Variants in P2RX6 observed in about 807,000 individuals in gnomAD.
P2RX6 encodes P2X purinoceptor 6.
In P2RX6, 62 loss-of-function variants were observed where a neutral mutation model predicts 54.2. The ratio of observed to expected loss-of-function variants is 1.14; its 90% CI spans 0.93 to 1.41. P2RX6 has a LOEUF of 1.41. Among genes scored for constraint, P2RX6 ranks in the 40% most tolerant of loss-of-function variants. The probability of loss-of-function intolerance (pLI) is 0.00; values close to 1 mark genes in which losing one functional copy is unlikely to be tolerated. For missense variants in P2RX6, 541 were observed against 566.3 expected (o/e 0.96, Z 0.45); for synonymous variants, 211 against 231.9 (o/e 0.91, Z 0.82).
chr22:21,024,280 CTTT>C (rs35973141), intron 8 of P2RX6, among the ~76,000 whole-genome samples: 1 of 133,892 alleles, frequency 7.5e-6, no homozygotes, highest in Non-Finnish European at 1.6e-5. Context: ...TTTACCTAAA[CTTT>C]TTTTTTTTTT....
At chr22:21,014,514 A>C (rs1188155913), upstream of P2RX6, among the ~76,000 whole-genome samples, 1 of 152,164 alleles carries the variant, frequency 6.6e-6, no homozygotes, top group Non-Finnish European at 1.5e-5. Flanking sequence ...CCTTGTGGGC[A>C]TCCTCCCTGC....
chr22:21,018,926 T>G (rs988271214), intron 3 of P2RX6: 3 of 152,054 alleles, frequency 2.0e-5, no homozygotes, highest in African/African-American at 7.3e-5. Flanking sequence ...CGGCCTGATT[T>G]CTGGATAGTT....
At chr22:21,025,546 C>T (rs910053446) in intron 8 of P2RX6, among the ~76,000 whole-genome samples, 1 of 152,238 alleles carries the variant, frequency 6.6e-6, no homozygotes, top group African/African-American at 2.4e-5. Flanking sequence ...CTGAGCCTGC[C>T]CCTTCACATC....
At chr22:21,010,640 C>G (rs748708988), upstream of P2RX6, among the ~76,000 whole-genome samples, 12 of 152,142 alleles carry the variant, frequency 7.9e-5, no homozygotes, top group Non-Finnish European at 8.8e-5. Context: ...GTGATTGTTA[C>G]TATTATTGGA....
chr22:21,024,301 G>A (rs1239314474), intron 8 of P2RX6, among the ~76,000 whole-genome samples: 1 of 135,304 alleles, frequency 7.4e-6, no homozygotes, highest in Non-Finnish European at 1.6e-5. Flanking sequence ...TTTTTGAGAT[G>A]GAGTCTCACT....
chr22:21,022,636 T>A, intron 3 of P2RX6, 40 bp from the exon 4 acceptor site: 1 of 1,426,750 alleles, frequency 7.0e-7, no homozygotes, highest in Non-Finnish European at 9.3e-7. Flanking sequence ...AGGGGAGACA[T>A]CCCCTGTGCC....
rs1428608852 is a variant in P2RX6 at position 21,022,750 on chromosome 22, C to T, written c.462C>T (p.His154=). The T allele has an allele frequency of 5.1e-6, 8 of 1,566,030 alleles. No homozygotes were observed. The highest frequency in any genetic ancestry group is 2.2e-5 in the East Asian group (1 of 44,562). ...CPEGEGGTHS[H]GVKTGQCVVF... is the part of the protein sequence containing the mutation. ...AAGGGGAGGGAGGCACACACAGCCA[C>T]GGTAACTGTGGGCTCTGTCTTCCAG... is the stretch of plus-strand genomic sequence containing the variant. Residue 154 remains histidine (H), a splice_region_variant and synonymous_variant, in exon 4 of 12, where the codon CAC becomes CAT. Transcript: ENST00000413302.
In P2RX6 at chr22:21,016,084, C is replaced by G. The variant is rs1926334084; in HGVS notation, c.307C>G (p.Pro103Ala). 6.4e-6 allele frequency: 10 copies of G among 1,562,770 alleles called. No homozygotes were observed. Among genetic ancestry groups the G allele is most frequent in the Non-Finnish European group, 8.7e-6 (10 of 1,154,384 alleles). The change falls in exon 2 of 12, where the codon CCA becomes GCA. Residue 103 changes from proline (P) to alanine (A), a missense_variant. Pro to Ala is a conservative substitution (Grantham distance 27). Around this residue, in one of 2 missense-constraint regions of P2RX6, gnomAD observed 526 missense variants for 531.5 expected, o/e 0.99. Transcript: ENST00000413302. Reference sequence around the variant, plus strand: ...GTGGGATGTGGCCGACTTCGTGAAGCCACCTCAGGTGGGGGCCCTGATGTT... The same window carrying G: ...GTGGGATGTGGCCGACTTCGTGAAGGCACCTCAGGTGGGGGCCCTGATGTT... ...RLWDVADFVKPPQGENVFFLV... is the reference protein window; with the variant it reads ...RLWDVADFVKAPQGENVFFLV...
At chr22:21,018,368 A>T (rs537172209) in intron 3 of P2RX6, 4 of 396,492 alleles carry the variant, frequency 1.0e-5, no homozygotes, top group East Asian at 5.9e-5. Flanking sequence ...AGCAGTTCCC[A>T]TGAGGTGTCC....
At chr22:21,022,626 A>C in intron 3 of P2RX6, 50 bp from the exon 4 acceptor site, 3 of 1,370,836 alleles carry the variant, frequency 2.2e-6, no homozygotes, top group South Asian at 1.5e-5. Flanking sequence ...TGGGCTGTGG[A>C]GGGGAGACAT....
chr22:21,015,940 A>G lies in P2RX6; in HGVS notation c.165-2A>G, dbSNP rs752230890. Reference sequence around the variant, plus strand: ...CCACACTGCCCGACTTCTCCTCCCCAGGTGGGCTCTCCTCGCCAAAAAAGG... The same window carrying G: ...CCACACTGCCCGACTTCTCCTCCCCGGGTGGGCTCTCCTCGCCAAAAAAGG... On this transcript the variant is annotated splice_acceptor_variant, in intron 1 of 11. Transcript: ENST00000413302. LOFTEE classifies it high-confidence loss of function. 6.5e-7 allele frequency: 1 copy of G among 1,549,572 alleles called. No individual in the cohort carries two copies. The highest frequency in any genetic ancestry group is 8.7e-7 in the Non-Finnish European group (1 of 1,146,850).
chr22:21,012,486 AG>A, upstream of P2RX6: 1 of 515,942 alleles, frequency 1.9e-6, no homozygotes, highest in Non-Finnish European at 3.7e-6. Flanking sequence ...GAGGAAAGGG[AG>A]GACTCACGCC....
upstream of P2RX6, chr22:21,012,554 C>T: frequency 1.6e-6 from 1 of 621,460 alleles, no homozygotes; most frequent in Non-Finnish European, 3.0e-6. Flanking sequence ...TTGCTCAGGG[C>T]ACCTGCCAGG....
In P2RX6 at chr22:21,023,526, C is replaced by T; in HGVS notation, c.798C>T (p.Ile266=). The change falls in exon 8 of 12, where the codon ATC becomes ATT. Residue 266 remains isoleucine (I), a synonymous_variant. Transcript: ENST00000413302. ...ATGTGCAGGGTGGCTCTGTAGGCAT[C>T]AGAGTTCACTGGGATTGTGACCTGG... is the stretch of plus-strand genomic sequence containing the variant. ...DLALLGGSVG[I]RVHWDCDLDT... 1 of 1,613,832 alleles carries T rather than the reference C, an allele frequency of 6.2e-7. No individual in the cohort carries two copies. Among genetic ancestry groups the T allele is most frequent in the Non-Finnish European group, 8.5e-7 (1 of 1,179,786 alleles).
At position 21,024,648 on chromosome 22, in the gene P2RX6, G is replaced by T. The variant is rs62240971; in HGVS notation, c.890+1030G>T. ...TGCAATGGCGTGGTCTTGGCTCACT[G>T]CAACCTCTGCCTCCTGGGTTCAGGT... On this transcript the variant is annotated intron_variant, in intron 8 of 11. Coordinates refer to ENST00000413302, the MANE Select transcript of P2RX6 (RefSeq NM_005446.5). Among the ~76,000 whole-genome samples the T allele has an allele frequency of 3.3e-3, 505 of 152,086 alleles. 1 individual carries two copies. Among genetic ancestry groups the T allele is most frequent in the Non-Finnish European group, 5.8e-3 (396 of 68,012 alleles).
rs141100935 is a variant in P2RX6, at chr22:21,020,223, A to T, written c.387+2163A>T. Among the ~76,000 whole-genome samples, 6 of 152,280 alleles carry T rather than the reference A, an allele frequency of 3.9e-5. No homozygotes were observed. In the East Asian group the frequency reaches 1.2e-3, roughly 29 times the overall value. On this transcript the variant is annotated intron_variant, in intron 3 of 11. Coordinates refer to ENST00000413302, the MANE Select transcript of P2RX6 (RefSeq NM_005446.5). ...GTCTGTGTTTTTCAGAATCTGTGCA[A>T]TTCCTCTTTGTCTGCAACCACACTT...
At chr22:21,022,020 C>T (rs1569175428) in intron 3 of P2RX6, among the ~76,000 whole-genome samples, 1 of 152,172 alleles carries the variant, frequency 6.6e-6, no homozygotes, top group Non-Finnish European at 1.5e-5. Context: ...CAAATTGGAC[C>T]AGAGGAGCTA....
In P2RX6 at chr22:21,023,267, C is replaced by T. The variant is rs1234663462; in HGVS notation, c.639-8C>T. The T allele has an allele frequency of 1.1e-5, 17 of 1,613,906 alleles. No individual in the cohort carries two copies. Among genetic ancestry groups the T allele is most frequent in the Non-Finnish European group, 1.4e-5 (17 of 1,179,892 alleles). On this transcript the variant is annotated splice_polypyrimidine_tract_variant and splice_region_variant and intron_variant, in intron 6 of 11. Coordinates refer to ENST00000413302, the MANE Select transcript of P2RX6 (RefSeq NM_005446.5). ...CCTACCTCATCTGACCTTTCCCACT[C>T]CTCCCAGGTCCAATGCCTTGGAGAC...
At chr22:21,025,763 G>C in intron 8 of P2RX6, 42 bp from the exon 9 acceptor site, 3 of 1,482,556 alleles carry the variant, frequency 2.0e-6, no homozygotes, top group South Asian at 2.4e-5. Context: ...CCACCTGGGG[G>C]TGGGCAAAGC....
Sources: gnomAD v4.1 joint callset for allele counts (sites outside exome capture counted in the v4.1 genomes callset) on GRCh38, gnomAD v4.1.1 for gene constraint, gnomAD v4.1.1 regional missense constraint, MANE v1.5 for transcripts, NCBI Gene and HGNC (gene_info 2026-07-23, HGNC 2026-07-21) for gene names.